The following MLIP variants were observed in gnomAD, a reference collection of about 807,000 sequenced individuals.
MLIP encodes muscular LMNA interacting protein.
In MLIP, 79 loss-of-function variants were observed where a neutral mutation model predicts 84.8. The observed-to-expected ratio is 0.93, with a 90% CI of 0.78 to 1.12. MLIP has a LOEUF of 1.12. MLIP is among the 50% of genes most tolerant of loss of function. The pLI is 0.00. For synonymous variants in MLIP, 504 were observed against 463.0 expected (o/e 1.09, Z -1.14); for missense variants, 1,257 against 1,160.6 (o/e 1.08, Z -1.21).
At chr6:54,120,391 C>T (rs1477577364) in intron 1 of MLIP, among the ~76,000 whole-genome samples, 1 of 83,960 alleles carries the variant, frequency 1.2e-5, no homozygotes, top group Non-Finnish European at 2.6e-5. Context: ...CCTGCCACCA[C>T]GCCCGGCTCA....
At chr6:54,043,576 C>T (rs1764869165) in intron 1 of MLIP, 1 of 152,264 alleles carries the variant, frequency 6.6e-6, no homozygotes, top group Non-Finnish European at 1.5e-5. Flanking sequence ...ATGTTCTCTA[C>T]CCACTTCTGT....
intron 12 of MLIP, among the ~76,000 whole-genome samples, chr6:54,234,304 C>T (rs1781215877): frequency 6.6e-6 from 1 of 152,024 alleles, no homozygotes; most frequent in Non-Finnish European, 1.5e-5. Flanking sequence ...ATAGTACCTA[C>T]CTTATTAGAG....
At chr6:54,033,659 C>T (rs538485709) in intron 1 of MLIP, among the ~76,000 whole-genome samples, 2 of 152,152 alleles carry the variant, frequency 1.3e-5, no homozygotes, top group Non-Finnish European at 2.9e-5. Flanking sequence ...CTCTCCTAAC[C>T]CTCACCTATA....
At chr6:54,178,814 G>A (rs975916276) in intron 9 of MLIP, among the ~76,000 whole-genome samples, 3 of 152,024 alleles carry the variant, frequency 2.0e-5, no homozygotes, top group South Asian at 2.1e-4. Context: ...CCTAACATAC[G>A]GTCTATCCTT....
chr6:54,117,026 C>G lies in MLIP; in HGVS notation c.97-4421C>G, dbSNP rs150422410. ...GATTACTTCAATAGACGCAGAAAAG[C>G]ATTTGACAAAATTTAACATTCCTTC... On this transcript the variant is annotated intron_variant, in intron 1 of 13. Coordinates refer to ENST00000502396, the MANE Select transcript of MLIP (RefSeq NM_001281747.2). Among the ~76,000 whole-genome samples, 8 of 152,224 alleles carry G rather than the reference C, an allele frequency of 5.3e-5. No homozygotes were observed. The East Asian group carries it at 1.5e-3, about 29-fold the overall frequency.
intron 12 of MLIP, among the ~76,000 whole-genome samples, chr6:54,233,711 A>G (rs1781170456): frequency 6.8e-6 from 1 of 147,440 alleles, no homozygotes; most frequent in Non-Finnish European, 1.5e-5. Flanking sequence ...GGATTGCTGG[A>G]TCAAATGGTA....
At chr6:54,147,395 C>T (rs1049199797) in intron 4 of MLIP, among the ~76,000 whole-genome samples, 3 of 152,060 alleles carry the variant, frequency 2.0e-5, no homozygotes, top group East Asian at 1.9e-4. Flanking sequence ...TTTCAATTTC[C>T]GTCCTTTTTC....
At chr6:54,073,436 A>G (rs1170665766) in intron 1 of MLIP, among the ~76,000 whole-genome samples, 1 of 152,182 alleles carries the variant, frequency 6.6e-6, no homozygotes, top group East Asian at 1.9e-4. Context: ...TTGCAAATGA[A>G]CTTTTAGTTT....
intron 4 of MLIP, among the ~76,000 whole-genome samples, chr6:54,141,651 A>G (rs1772325729): frequency 6.6e-6 from 1 of 151,908 alleles, no homozygotes; most frequent in Non-Finnish European, 1.5e-5. Context: ...TTTTTTTCCC[A>G]TGCAAAAGAC....
intron 1 of MLIP, among the ~76,000 whole-genome samples, chr6:54,027,052 A>G (rs1763845451): frequency 6.6e-6 from 1 of 152,208 alleles, no homozygotes; most frequent in South Asian, 2.1e-4. Flanking sequence ...AACATTAGGA[A>G]TCTTGAAATA....
At chr6:54,172,016 G>T (rs940191686) in intron 9 of MLIP, among the ~76,000 whole-genome samples, 3 of 151,478 alleles carry the variant, frequency 2.0e-5, no homozygotes, top group Non-Finnish European at 4.4e-5. Flanking sequence ...AGCAGGGATC[G>T]TGCAGGTTAC....
rs1403931175 is a variant in MLIP, at chr6:54,111,583, G to A, written c.96+8G>A. ...ATTCAGACCACACCCCAGGTAAAAGGAAGTCTTTGCTTAATGCTTTCAGTA... is the reference window on the plus strand; with the variant it reads ...ATTCAGACCACACCCCAGGTAAAAGAAAGTCTTTGCTTAATGCTTTCAGTA... On this transcript the variant is annotated splice_region_variant and intron_variant, in intron 1 of 13. Transcript: ENST00000502396. The A allele has an allele frequency of 5.2e-6, 8 of 1,535,936 alleles. No homozygotes were observed. The highest frequency in any genetic ancestry group is 4.8e-5 in the South Asian group (4 of 84,058).
upstream of MLIP, chr6:54,111,427 G>T: frequency 2.6e-6 from 4 of 1,533,640 alleles, no homozygotes; most frequent in African/African-American, 2.7e-5. Flanking sequence ...TTAGTATGAG[G>T]CTCCCTTCCC....
intron 10 of MLIP, among the ~76,000 whole-genome samples, chr6:54,198,045 G>A (rs1029398016): frequency 2.0e-5 from 3 of 152,082 alleles, no homozygotes; most frequent in Non-Finnish European, 2.9e-5. Flanking sequence ...CAGAAGACAA[G>A]GCCAAATGGG....
intron 12 of MLIP, among the ~76,000 whole-genome samples, chr6:54,243,571 A>G (rs1040669510): frequency 6.6e-6 from 1 of 152,210 alleles, no homozygotes; most frequent in Admixed American, 6.5e-5. Context: ...AGATTTTAAA[A>G]CAATCATAAA....
intron 1 of MLIP, among the ~76,000 whole-genome samples, chr6:54,037,114 CT>C (rs746687617): frequency 6.6e-6 from 1 of 151,974 alleles, no homozygotes; most frequent in Non-Finnish European, 1.5e-5. Flanking sequence ...GAAGGGGTCT[CT>C]AACCATTTGT....
chr6:54,249,438 C>T (rs1782304313), intron 12 of MLIP, among the ~76,000 whole-genome samples: 1 of 151,798 alleles, frequency 6.6e-6, no homozygotes, highest in Non-Finnish European at 1.5e-5. Flanking sequence ...TGGCCTAATA[C>T]AGATTAAATC....
At position 54,127,319 on chromosome 6, in the gene MLIP, G is replaced by A. The variant is rs185561756; in HGVS notation, c.645+2454G>A. Among the ~76,000 whole-genome samples the A allele has an allele frequency of 3.9e-5, 6 of 152,074 alleles. No homozygotes were observed. The East Asian group carries it at 9.6e-4, about 24-fold the overall frequency. On this transcript the variant is annotated intron_variant, in intron 3 of 13. Transcript: ENST00000502396. Reference sequence around the variant, plus strand: ...CTGGCTGAAAACTACATTAAATCAAGTTCTGGTCCCTTGTTAATTTCTGTA... The same window carrying A: ...CTGGCTGAAAACTACATTAAATCAAATTCTGGTCCCTTGTTAATTTCTGTA...
At chr6:54,112,653 G>C (rs533478751) in intron 1 of MLIP, among the ~76,000 whole-genome samples, 1 of 138,750 alleles carries the variant, frequency 7.2e-6, no homozygotes, top group South Asian at 2.2e-4. Context: ...ATCATGTACT[G>C]GTTCAACTAA....
Sources: allele counts gnomAD v4.1 joint callset (sites outside exome capture counted in the v4.1 genomes callset), GRCh38; gene constraint gnomAD v4.1.1; transcripts MANE v1.5; gene names NCBI Gene and HGNC (gene_info 2026-07-23, HGNC 2026-07-21).